The following ROBO2 variants were observed in gnomAD, a reference collection of about 807,000 sequenced individuals.
ROBO2 encodes the protein roundabout guidance receptor 2, also known as roundabout homolog 2.
Under a neutral mutation model 160.8 loss-of-function variants are expected in ROBO2, and 53 were observed. The observed-to-expected ratio is 0.33, with a 90% CI of 0.26 to 0.41. The LOEUF (loss-of-function observed/expected upper bound fraction) is 0.41, where lower values mean the gene tolerates loss of function less well. Ranked by LOEUF, ROBO2 falls within the 10% of genes least tolerant of loss-of-function variation. The probability of loss-of-function intolerance (pLI) is 1.00; values close to 1 mark genes in which losing one functional copy is unlikely to be tolerated. For synonymous variants in ROBO2, 664 were observed against 611.7 expected, an observed-to-expected ratio of 1.09 and a Z score of -1.26; for missense variants, 1,577 against 1,722.4, an observed-to-expected ratio of 0.92 and a Z score of 1.49.
chr3:76,769,196 G>A (rs1013336101), intron 2 of ROBO2, among the ~76,000 whole-genome samples: 3 of 151,370 alleles, frequency 2.0e-5, no homozygotes, highest in Admixed American at 2.0e-4. Flanking sequence ...AAGATCTGGC[G>A]ACACTTGTTA....
chr3:76,565,465 T>A (rs532349627), intron 2 of ROBO2, among the ~76,000 whole-genome samples: 46 of 152,208 alleles, frequency 3.0e-4, no homozygotes, highest in Admixed American at 5.9e-4. Context: ...GGATTCCAGT[T>A]TTATGGCGTC....
chr3:77,488,689 AG>A (rs1169139446), intron 4 of ROBO2, among the ~76,000 whole-genome samples: 1 of 152,154 alleles, frequency 6.6e-6, no homozygotes, highest in East Asian at 1.9e-4. Context: ...TTGAGTCAAA[AG>A]GGGAGACTCA....
At chr3:77,206,564 C>G (rs2083468951) in intron 2 of ROBO2, among the ~76,000 whole-genome samples, 1 of 152,144 alleles carries the variant, frequency 6.6e-6, no homozygotes, top group Middle Eastern at 3.4e-3. Context: ...GACTCTATAC[C>G]GAACGTGGTC....
chr3:76,670,983 A>T (rs1179179416), intron 2 of ROBO2, among the ~76,000 whole-genome samples: 1 of 151,848 alleles, frequency 6.6e-6, no homozygotes, highest in Admixed American at 6.6e-5. Context: ...TGCTATGAAT[A>T]ACTCACAGGA....
At chr3:76,611,052 T>C (rs140399131) in intron 2 of ROBO2, among the ~76,000 whole-genome samples, 1,742 of 151,972 alleles carry the variant, frequency 0.011, 34 homozygotes, top group African/African-American at 0.039. Flanking sequence ...AACGGTGGAG[T>C]GTGGGCTGAT....
intron 2 of ROBO2, among the ~76,000 whole-genome samples, chr3:77,325,947 CA>C (rs1442279456): frequency 2.0e-5 from 3 of 152,148 alleles, no homozygotes; most frequent in African/African-American, 7.2e-5. Flanking sequence ...TGGTTTTTCC[CA>C]TGGAATTGAA....
chr3:76,626,724 A>T (rs6763019), intron 2 of ROBO2, among the ~76,000 whole-genome samples: 2 of 151,358 alleles, frequency 1.3e-5, no homozygotes, highest in African/African-American at 2.4e-5. Context: ...ACGGAGTCTC[A>T]CTCTGTCGCC....
Position 77,346,370 on chromosome 3 carries a change from C to T in ROBO2, c.389-131044C>T, listed in dbSNP as rs115491383. ...TTGTACTAATAATAGAATGGCATAT[C>T]AACCTTCTCCCTGGGTCCAGTTTTA... On this transcript the variant is annotated intron_variant, in intron 2 of 25. Transcript: ENST00000461745. Among the ~76,000 whole-genome samples, 1,269 of 152,176 alleles carry T rather than the reference C, an allele frequency of 8.3e-3. 11 individuals are homozygous for T. Among genetic ancestry groups the T allele is most frequent in the South Asian group, 0.021 (102 of 4,824 alleles).
At chr3:77,411,679 CAT>C (rs1416518027) in intron 2 of ROBO2, among the ~76,000 whole-genome samples, 1 of 152,066 alleles carries the variant, frequency 6.6e-6, no homozygotes, top group Non-Finnish European at 1.5e-5. Context: ...AATATATACA[CAT>C]GTATATGTAT....
At chr3:76,187,592 C>A (rs1701825220) in intron 2 of ROBO2, among the ~76,000 whole-genome samples, 1 of 152,054 alleles carries the variant, frequency 6.6e-6, no homozygotes, top group African/African-American at 2.4e-5. Flanking sequence ...TTTTCTCTTT[C>A]CTATTGTGTG....
chr3:77,607,304 T>A (rs1176851747), intron 20 of ROBO2, among the ~76,000 whole-genome samples: 1 of 152,246 alleles, frequency 6.6e-6, no homozygotes, highest in Non-Finnish European at 1.5e-5. Context: ...TGTAGCTGAT[T>A]GATTTTTATC....
chr3:77,250,057 A>G (rs942288176), intron 2 of ROBO2, among the ~76,000 whole-genome samples: 2 of 152,192 alleles, frequency 1.3e-5, no homozygotes, highest in Non-Finnish European at 1.5e-5. Context: ...ACAGAATTAA[A>G]ATATTGCTAT....
intron 2 of ROBO2, among the ~76,000 whole-genome samples, chr3:76,383,861 A>G (rs1188724570): frequency 1.3e-5 from 2 of 152,256 alleles, no homozygotes; most frequent in East Asian, 1.9e-4. Flanking sequence ...GTAAGGTTAC[A>G]TGAGAGACTC....
intron 2 of ROBO2, among the ~76,000 whole-genome samples, chr3:77,424,200 T>C (rs2077971042): frequency 6.6e-6 from 1 of 152,056 alleles, no homozygotes; most frequent in Non-Finnish European, 1.5e-5. Context: ...ACAATGACAA[T>C]CAGAGAAGGT....
chr3:76,465,998 GGTGTGTGTGTGTGT>G (rs57838247), intron 2 of ROBO2, among the ~76,000 whole-genome samples: 3 of 147,670 alleles, frequency 2.0e-5, no homozygotes, highest in East Asian at 2.0e-4. Flanking sequence ...ATAAAATATG[GGTGTGTGTGTGTGT>G]GTGTGTGTGT....
intron 6 of ROBO2, among the ~76,000 whole-genome samples, chr3:77,525,185 A>G (rs2091012212): frequency 6.7e-6 from 1 of 150,254 alleles, no homozygotes; most frequent in African/African-American, 2.4e-5. Flanking sequence ...CATCCATTTA[A>G]TGCAGAGACA....
At chr3:76,343,811 G>A (rs1306587351) in intron 2 of ROBO2, among the ~76,000 whole-genome samples, 1 of 152,014 alleles carries the variant, frequency 6.6e-6, no homozygotes, top group East Asian at 1.9e-4. Flanking sequence ...AAATGAGACA[G>A]CCCTTGTAGC....
At chr3:77,274,849 C>G (rs2153360961) in intron 2 of ROBO2, among the ~76,000 whole-genome samples, 1 of 152,108 alleles carries the variant, frequency 6.6e-6, no homozygotes, top group Middle Eastern at 3.4e-3. Flanking sequence ...CCATGAACAC[C>G]AGACAGTTAA....
intron 2 of ROBO2, among the ~76,000 whole-genome samples, chr3:77,411,618 G>A (rs557729101): frequency 6.6e-6 from 1 of 152,166 alleles, no homozygotes; most frequent in African/African-American, 2.4e-5. Flanking sequence ...GAATAAAGGT[G>A]GTAAATTGAA....
Sources: allele counts gnomAD v4.1 joint callset (sites outside exome capture counted in the v4.1 genomes callset), GRCh38; gene constraint gnomAD v4.1.1; transcripts MANE v1.5; gene names NCBI Gene and HGNC (gene_info 2026-07-23, HGNC 2026-07-21).